Variants in STK4 observed in about 807,000 individuals in gnomAD.
The protein encoded by STK4 is serine/threonine-protein kinase 4.
A neutral mutation model predicts 64.9 loss-of-function variants in STK4; 30 were observed. The ratio of observed to expected loss-of-function variants is 0.46; its 90% CI spans 0.35 to 0.63. The LOEUF is 0.63. Among genes scored for constraint, STK4 ranks in the 20% least tolerant of loss-of-function variants. The pLI, the probability that STK4 is intolerant of heterozygous loss-of-function variation, is 0.01. For missense variants in STK4, 466 were observed against 598.5 expected (o/e 0.78, Z 2.31); for synonymous variants, 177 against 199.0 (o/e 0.89, Z 0.93).
chr20:45,008,342 A>C (rs1601255447), intron 9 of STK4, among the ~76,000 whole-genome samples: 1 of 152,316 alleles, frequency 6.6e-6, no homozygotes, highest in East Asian at 1.9e-4. Flanking sequence ...GGCGTTAGCC[A>C]CTGCGCCTGG....
At chr20:45,026,709 G>A (rs1055319151) in intron 10 of STK4, among the ~76,000 whole-genome samples, 1 of 152,178 alleles carries the variant, frequency 6.6e-6, no homozygotes, top group African/African-American at 2.4e-5. Flanking sequence ...TCTAGTTGCT[G>A]TATTAATACA....
chr20:45,049,724 A>G (rs543335026), intron 10 of STK4, among the ~76,000 whole-genome samples: 1 of 152,308 alleles, frequency 6.6e-6, no homozygotes, highest in South Asian at 2.1e-4. Flanking sequence ...TATTCGGTTA[A>G]TGGAGTTTTA....
intron 10 of STK4, among the ~76,000 whole-genome samples, chr20:45,028,537 A>G (rs1276104729): frequency 6.6e-6 from 1 of 152,094 alleles, no homozygotes; most frequent in African/African-American, 2.4e-5. Context: ...ATGTTGCCCC[A>G]GCTCATCTGG....
At chr20:45,031,297 G>A (rs1260299522) in intron 10 of STK4, among the ~76,000 whole-genome samples, 3 of 152,080 alleles carry the variant, frequency 2.0e-5, no homozygotes, top group Non-Finnish European at 2.9e-5. Context: ...GGGGAAATAA[G>A]TACAGAGACT....
At chr20:44,979,483 G>A (rs550099953) in intron 3 of STK4, among the ~76,000 whole-genome samples, 1 of 152,264 alleles carries the variant, frequency 6.6e-6, no homozygotes, top group Admixed American at 6.5e-5. Context: ...TGACAACATG[G>A]GTTGGTCACT....
intron 10 of STK4, among the ~76,000 whole-genome samples, chr20:45,054,001 G>A (rs943107469): frequency 2.3e-4 from 35 of 151,940 alleles, no homozygotes; most frequent in Admixed American, 1.0e-3. Context: ...AGTTAGTTGG[G>A]ATTGTCTGGA....
chr20:44,967,150 C>A, intron 1 of STK4: 3 of 985,270 alleles, frequency 3.0e-6, no homozygotes, highest in Non-Finnish European at 3.6e-6. Context: ...TGGAGGGTAG[C>A]ATTTCAGAGG....
At chr20:44,966,769 AG>A (rs1344514828) in intron 1 of STK4, among the ~76,000 whole-genome samples, 166 bp downstream of exon 1, 5 of 152,038 alleles carry the variant, frequency 3.3e-5, no homozygotes, top group Non-Finnish European at 7.4e-5. Flanking sequence ...GGTCCGGCTG[AG>A]GGGAGCATCT....
chr20:45,027,338 G>A (rs892907513), intron 10 of STK4, among the ~76,000 whole-genome samples: 1 of 151,088 alleles, frequency 6.6e-6, no homozygotes, highest in African/African-American at 2.4e-5. Context: ...GCTGAGGCAG[G>A]AGAATCGCTT....
chr20:45,036,886 G>A (rs1340883099), intron 10 of STK4, among the ~76,000 whole-genome samples: 1 of 152,088 alleles, frequency 6.6e-6, no homozygotes, highest in East Asian at 1.9e-4. Context: ...TGTGGATAAG[G>A]GAGGGACTAC....
At chr20:45,053,594 G>A (rs1978304170) in intron 10 of STK4, among the ~76,000 whole-genome samples, 1 of 152,200 alleles carries the variant, frequency 6.6e-6, no homozygotes, top group South Asian at 2.1e-4. Context: ...AGGAAGGACT[G>A]TTCCATAGTT....
Position 45,078,566 on chromosome 20 carries a change from C to T in STK4, c.*3390C>T, listed in dbSNP as rs1434460401. 2 of 150,690 alleles carry T rather than the reference C, an allele frequency of 1.3e-5. No homozygotes were observed. Among genetic ancestry groups the T allele is most frequent in the African/African-American group, 4.9e-5 (2 of 40,702 alleles). 9.3% of individuals were successfully genotyped at this position (150,690 alleles called of 1,614,324 possible). ...TCCATCAGTAATTTTGAAGCACTTT[C>T]CTTTTTTTTTTTTTTTCCCCTTTTT... On this transcript the variant is annotated 3_prime_UTR_variant, in exon 11 of 11. Coordinates refer to ENST00000372806, the MANE Select transcript of STK4 (RefSeq NM_006282.5).
intron 9 of STK4, among the ~76,000 whole-genome samples, chr20:45,017,425 A>G (rs2068162078): frequency 6.6e-6 from 1 of 152,234 alleles, no homozygotes; most frequent in African/African-American, 2.4e-5. Context: ...AGGATTTGTG[A>G]AAAGGAAGGC....
intron 10 of STK4, among the ~76,000 whole-genome samples, chr20:45,049,826 G>A (rs2068750243): frequency 6.6e-6 from 1 of 152,116 alleles, no homozygotes; most frequent in Non-Finnish European, 1.5e-5. Flanking sequence ...TTGTTGTTGT[G>A]GAAAATGAAA....
intron 9 of STK4, among the ~76,000 whole-genome samples, chr20:45,015,215 TA>T (rs1288114143): frequency 1.3e-5 from 2 of 152,204 alleles, no homozygotes; most frequent in African/African-American, 4.8e-5. Flanking sequence ...AAAATGATTT[TA>T]CTTCAACACC....
chr20:44,999,089 G>T (rs189873810), intron 7 of STK4, among the ~76,000 whole-genome samples: 16 of 150,730 alleles, frequency 1.1e-4, no homozygotes, highest in Admixed American at 2.6e-4. Flanking sequence ...ACAAAGAAAA[G>T]GAAAAGAAAA....
chr20:44,979,677 G>A (rs971653284), intron 3 of STK4, among the ~76,000 whole-genome samples: 1 of 152,142 alleles, frequency 6.6e-6, no homozygotes, highest in African/African-American at 2.4e-5. Context: ...TTCTACATTA[G>A]GGTTTAGGTG....
In STK4 at chr20:45,068,443, G is replaced by A. The variant is rs375639969; in HGVS notation, c.1306-6575G>A. On this transcript the variant is annotated intron_variant, in intron 10 of 10. Coordinates refer to ENST00000372806, the MANE Select transcript of STK4 (RefSeq NM_006282.5). ...AGGCACTTGGTGCCTACTACAAAAG[G>A]CACAAAAGCAGCAAAGTAGATAGCA... is the stretch of plus-strand genomic sequence containing the variant. Among the ~76,000 whole-genome samples the A allele has an allele frequency of 3.3e-4, 50 of 152,248 alleles. 2 individuals are homozygous for A. Among genetic ancestry groups the A allele is most frequent in the Admixed American group, 2.2e-3 (33 of 15,304 alleles).
intron 10 of STK4, among the ~76,000 whole-genome samples, chr20:45,041,831 A>G (rs1310439290): frequency 6.6e-6 from 1 of 152,148 alleles, no homozygotes; most frequent in Non-Finnish European, 1.5e-5. Flanking sequence ...ATCTCCTGGC[A>G]AACATTGTTT....
Sources: gnomAD v4.1 joint callset for allele counts (sites outside exome capture counted in the v4.1 genomes callset) on GRCh38, gnomAD v4.1.1 for gene constraint, MANE v1.5 for transcripts, NCBI Gene and HGNC (gene_info 2026-07-23, HGNC 2026-07-21) for gene names.